The following MRPS23 variants were observed in gnomAD, a reference collection of about 807,000 sequenced individuals.
MRPS23 encodes the protein small ribosomal subunit protein mS23.
In MRPS23, 14 loss-of-function variants were observed where a neutral mutation model predicts 19.8. The ratio of observed to expected loss-of-function variants is 0.71; its 90% CI spans 0.47 to 1.11. The LOEUF (loss-of-function observed/expected upper bound fraction) is 1.11, where lower values mean the gene tolerates loss of function less well. Ranked by LOEUF, MRPS23 falls within the 50% of genes least tolerant of loss-of-function variation. MRPS23 has a pLI of 0.00. For synonymous variants in MRPS23, 113 were observed against 89.7 expected (o/e 1.26, Z -1.47); for missense variants, 242 against 236.7 (o/e 1.02, Z -0.15).
rs1450478353 is a variant in MRPS23 at position 57,842,647 on chromosome 17, CA to C, written c.216-1388del. Among the ~76,000 whole-genome samples the C allele has an allele frequency of 1.1e-4, 16 of 152,154 alleles. No individual in the cohort carries two copies. In the East Asian group the frequency reaches 3.1e-3, roughly 29 times the overall value. ...TTTGTAATTAAGCCTTCCAAATTGCCAAAATGCTTTCCAAAGTGGCTGTACC... is the reference window on the plus strand; with the variant it reads ...TTTGTAATTAAGCCTTCCAAATTGCCAAATGCTTTCCAAAGTGGCTGTACC... On this transcript the variant is annotated intron_variant, in intron 2 of 4. Transcript: ENST00000313608.
At chr17:57,848,329 GAAAA>G (rs1047166813) in intron 2 of MRPS23, among the ~76,000 whole-genome samples, 1 of 144,656 alleles carries the variant, frequency 6.9e-6, no homozygotes, top group Non-Finnish European at 1.5e-5. Context: ...TTAAGAAAAA[GAAAA>G]AAAAAGAGAA....
In MRPS23 at chr17:57,850,006, G is replaced by A. The variant is rs764112164; in HGVS notation, c.5C>T (p.Ala2Val). 7 of 1,592,898 alleles carry A rather than the reference G, an allele frequency of 4.4e-6. No individual in the cohort carries two copies. The East Asian group carries it at 1.4e-4, about 31-fold the overall frequency. M[A>V]GSRLETVGSI... The stretch of plus-strand genomic sequence containing the variant: ...CCCTACGGTTTCCAGCCGGCTGCCT[G>A]CCATGATCTGCGCCTGGTACCGAGC... The change falls in exon 1 of 5, where the codon GCA becomes GTA. Residue 2 changes from alanine to valine, a missense_variant. Coordinates refer to ENST00000313608, the MANE Select transcript of MRPS23 (RefSeq NM_016070.4).
rs2073695576 is a variant in MRPS23 at position 57,834,848 on chromosome 17, C to T, written c.*4935G>A. On this transcript the variant is annotated 3_prime_UTR_variant, in exon 5 of 5. Coordinates refer to ENST00000313608, the MANE Select transcript of MRPS23 (RefSeq NM_016070.4). Reference sequence around the variant, plus strand: ...CACTTTAACAAAATCAGGAGTCCTTCGGGGGCAGATTATTCTGTAATACCA... The same window carrying T: ...CACTTTAACAAAATCAGGAGTCCTTTGGGGGCAGATTATTCTGTAATACCA... 1 of 152,146 alleles carries T rather than the reference C, an allele frequency of 6.6e-6. No individual in the cohort carries two copies. The highest frequency in any genetic ancestry group is 1.5e-5 in the Non-Finnish European group (1 of 68,026). 9.4% of individuals were successfully genotyped at this position (152,146 alleles called of 1,614,324 possible). A position where few individuals can be genotyped will look rare whatever the true frequency, so the allele number is the denominator to read the frequency against.
At chr17:57,842,885 TATATATACACACAC>T (rs1167547876) in intron 2 of MRPS23, among the ~76,000 whole-genome samples, 16 of 109,330 alleles carry the variant, frequency 1.5e-4, no homozygotes, top group African/African-American at 5.8e-4. Flanking sequence ...AAAAAATATA[TATATATACACACAC>T]ACACACACAC....
chr17:57,837,440 T>C lies in MRPS23; in HGVS notation c.*2343A>G, dbSNP rs1026442952. 11 of 152,124 alleles carry C rather than the reference T, an allele frequency of 7.2e-5. No homozygotes were observed. Among genetic ancestry groups the C allele is most frequent in the African/African-American group, 2.7e-4 (11 of 41,418 alleles). 9.4% of individuals were successfully genotyped at this position (152,124 alleles called of 1,614,324 possible). On this transcript the variant is annotated 3_prime_UTR_variant, in exon 5 of 5. Transcript: ENST00000313608. ...CGGGCACTGATTAAATCACAGTGGA[T>C]CTCTGAGACATAGTAACTAGAAAAG...
At position 57,839,932 on chromosome 17, in the gene MRPS23, G is replaced by A. The variant is rs2073730314; in HGVS notation, c.424C>T (p.His142Tyr). The A allele has an allele frequency of 6.2e-7, 1 of 1,614,108 alleles. No homozygotes were observed. The highest frequency in any genetic ancestry group is 8.5e-7 in the Non-Finnish European group (1 of 1,179,974). The change falls in exon 5 of 5, where the codon CAC (histidine) becomes TAC (tyrosine). Residue 142 changes from histidine (H) to tyrosine (Y), a missense_variant. His to Tyr is a moderately conservative substitution (Grantham distance 83). Coordinates refer to ENST00000313608, the MANE Select transcript of MRPS23 (RefSeq NM_016070.4). The part of the protein sequence containing the change: ...LRRVGEARTQ[H>Y]GGSHVSRKSE... The stretch of plus-strand genomic sequence containing the variant: ...TTCCGGGAAACGTGACTACCTCCGT[G>A]TTGCTTAAAAGACCAGATTTAAGTA...
intron 2 of MRPS23, among the ~76,000 whole-genome samples, chr17:57,842,958 C>T (rs1476029820): frequency 6.7e-6 from 1 of 148,174 alleles, no homozygotes; most frequent in Non-Finnish European, 1.5e-5. Flanking sequence ...GTGGCTCACA[C>T]CTGTAATCCC....
chr17:57,839,157 T>C lies in MRPS23; in HGVS notation c.*626A>G, dbSNP rs1046104392. 6.6e-6 allele frequency: 1 copy of C among 152,274 alleles called. No individual in the cohort carries two copies. Among genetic ancestry groups the C allele is most frequent in the Non-Finnish European group, 1.5e-5 (1 of 68,054 alleles). The allele number at this position is 152,274 out of a possible 1,614,324, so 9.4% of individuals were successfully genotyped here. A position where few individuals can be genotyped will look rare whatever the true frequency, so the allele number is the denominator to read the frequency against. On this transcript the variant is annotated 3_prime_UTR_variant, in exon 5 of 5. Transcript: ENST00000313608. Reference sequence around the variant, plus strand: ...ACTCATTCATTCAACAAGTATTTACTGAACAGCCTAGTCTGTGCAGGCCTA... The same window carrying C: ...ACTCATTCATTCAACAAGTATTTACCGAACAGCCTAGTCTGTGCAGGCCTA...
chr17:57,841,587 T>A (rs960008012), intron 2 of MRPS23, among the ~76,000 whole-genome samples: 2 of 152,238 alleles, frequency 1.3e-5, no homozygotes, highest in African/African-American at 4.8e-5. Context: ...TACTAGCATA[T>A]ATGCACTATC....
intron 2 of MRPS23, chr17:57,848,706 A>C (rs1193437847): frequency 6.7e-6 from 1 of 149,252 alleles, no homozygotes; most frequent in Non-Finnish European, 1.5e-5. Context: ...CTTTCATCTG[A>C]GTGGCTTCAA....
At chr17:57,849,943 C>G in intron 1 of MRPS23, 24 bp downstream of exon 1, 2 of 1,580,936 alleles carry the variant, frequency 1.3e-6, no homozygotes, top group Non-Finnish European at 1.7e-6. Context: ...GCACCCTCAG[C>G]CCACCACGGC....
chr17:57,841,276 A>C lies in MRPS23; in HGVS notation c.216-16T>G, dbSNP rs569196608. On this transcript the variant is annotated splice_polypyrimidine_tract_variant and intron_variant, in intron 2 of 4. Transcript: ENST00000313608. The stretch of plus-strand genomic sequence containing the variant: ...ATAAAACTTCCTAGAAAATGCAAAC[A>C]ACATAATATAAATCTCCGATTATAG... 9 of 1,607,190 alleles carry C rather than the reference A, an allele frequency of 5.6e-6. No individual in the cohort carries two copies. Among genetic ancestry groups the C allele is most frequent in the Non-Finnish European group, 7.7e-6 (9 of 1,175,070 alleles).
Position 57,836,492 on chromosome 17 carries a change from G to T in MRPS23, c.*3291C>A, listed in dbSNP as rs2073706618. Reference sequence around the variant, plus strand: ...AGAAGGGAGGGTGTTCCTGCCCAAAGAAACCGCATGTACATGTCCATCCCA... The same window carrying T: ...AGAAGGGAGGGTGTTCCTGCCCAAATAAACCGCATGTACATGTCCATCCCA... On this transcript the variant is annotated 3_prime_UTR_variant, in exon 5 of 5. Coordinates refer to ENST00000313608, the MANE Select transcript of MRPS23 (RefSeq NM_016070.4). The T allele has an allele frequency of 6.6e-6, 1 of 152,138 alleles. No homozygotes were observed. The allele number at this position is 152,138 out of a possible 1,614,324, so 9.4% of individuals were successfully genotyped here. A position where few individuals can be genotyped will look rare whatever the true frequency, so the allele number is the denominator to read the frequency against.
At position 57,838,522 on chromosome 17, in the gene MRPS23, T is replaced by C. The variant is rs779948203; in HGVS notation, c.*1261A>G. ...TAGACTGTGTCTTTCACCTGCTTTT[T>C]AAGTCCTCTTCCCAAGGTCTGGCCC... On this transcript the variant is annotated 3_prime_UTR_variant, in exon 5 of 5. Coordinates refer to ENST00000313608, the MANE Select transcript of MRPS23 (RefSeq NM_016070.4). 7 of 152,188 alleles carry C rather than the reference T, an allele frequency of 4.6e-5. No individual in the cohort carries two copies. The highest frequency in any genetic ancestry group is 8.8e-5 in the Non-Finnish European group (6 of 68,048). The allele number at this position is 152,188 out of a possible 1,614,324, so 9.4% of individuals were successfully genotyped here.
chr17:57,845,481 C>T (rs778276042), intron 2 of MRPS23, among the ~76,000 whole-genome samples: 14 of 152,100 alleles, frequency 9.2e-5, no homozygotes, highest in Non-Finnish European at 1.8e-4. Context: ...TAGGCACACT[C>T]ATTGGTATAA....
At chr17:57,846,490 G>A (rs538434257) in intron 2 of MRPS23, among the ~76,000 whole-genome samples, 1 of 152,340 alleles carries the variant, frequency 6.6e-6, no homozygotes, top group East Asian at 1.9e-4. Flanking sequence ...GAAATGTGGG[G>A]AAAAGAAAGA....
At chr17:57,845,575 G>A (rs1449210070) in intron 2 of MRPS23, among the ~76,000 whole-genome samples, 1 of 152,196 alleles carries the variant, frequency 6.6e-6, no homozygotes, top group Non-Finnish European at 1.5e-5. Flanking sequence ...GGCTTTGTCA[G>A]TAAACTCCCA....
intron 2 of MRPS23, among the ~76,000 whole-genome samples, chr17:57,847,863 AT>A (rs1224341396): frequency 1.3e-5 from 2 of 151,816 alleles, no homozygotes; most frequent in East Asian, 4.0e-4. Flanking sequence ...AGCCCGGCTA[AT>A]TTTTGGTATT....
At chr17:57,847,385 G>A (rs1429488130) in intron 2 of MRPS23, among the ~76,000 whole-genome samples, 3 of 151,672 alleles carry the variant, frequency 2.0e-5, no homozygotes, top group South Asian at 4.2e-4. Flanking sequence ...TAAAGAGGCC[G>A]GGCGCGGTGG....
Sources: allele counts gnomAD v4.1 joint callset (sites outside exome capture counted in the v4.1 genomes callset), GRCh38; gene constraint gnomAD v4.1.1; transcripts MANE v1.5; gene names NCBI Gene and HGNC (gene_info 2026-07-23, HGNC 2026-07-21).